Variants in GPC5 observed in about 807,000 individuals in gnomAD.
GPC5 encodes glypican 5, also known as glypican-5.
GPC5 carries 47 observed loss-of-function variants against 53.9 expected under a neutral mutation model. The ratio of observed to expected loss-of-function variants is 0.87; its 90% CI spans 0.69 to 1.11. GPC5 has a LOEUF of 1.11. Ranked by LOEUF, GPC5 falls within the 50% of genes most tolerant of loss-of-function variation. GPC5 has a pLI of 0.00. For missense variants in GPC5, 748 were observed against 713.1 expected, an observed-to-expected ratio of 1.05 and a Z score of -0.56; for synonymous variants, 286 against 263.3, an observed-to-expected ratio of 1.09 and a Z score of -0.84.
intron 7 of GPC5, among the ~76,000 whole-genome samples, chr13:92,842,014 G>A (rs555279782): frequency 1.3e-5 from 2 of 152,238 alleles, no homozygotes; most frequent in Admixed American, 6.5e-5. Flanking sequence ...TTCACAAGTG[G>A]TCTTGGTCTT....
intron 6 of GPC5, among the ~76,000 whole-genome samples, chr13:92,028,582 T>C (rs1208560811): frequency 2.6e-5 from 4 of 152,242 alleles, no homozygotes. Context: ...ATTTATCATG[T>C]GCTTTATTTG....
intron 7 of GPC5, among the ~76,000 whole-genome samples, chr13:92,349,616 T>C (rs571727394): frequency 6.6e-6 from 1 of 152,072 alleles, no homozygotes; most frequent in South Asian, 2.1e-4. Context: ...ATTATAAATA[T>C]ATAGCGACAA....
At chr13:91,602,167 G>C (rs2033201780) in intron 2 of GPC5, among the ~76,000 whole-genome samples, 1 of 152,188 alleles carries the variant, frequency 6.6e-6, no homozygotes, top group Non-Finnish European at 1.5e-5. Flanking sequence ...TGAAATCTTT[G>C]TGTGTCCAGC....
chr13:91,619,413 C>T (rs1217249186), intron 2 of GPC5, among the ~76,000 whole-genome samples: 1 of 152,048 alleles, frequency 6.6e-6, no homozygotes, highest in Admixed American at 6.6e-5. Context: ...CTGTTGATTT[C>T]GGCTGCTAAA....
chr13:91,572,438 C>G (rs947240484), intron 2 of GPC5, among the ~76,000 whole-genome samples: 2 of 151,994 alleles, frequency 1.3e-5, no homozygotes, highest in Admixed American at 1.3e-4. Flanking sequence ...GCTCTGCAGA[C>G]TATAAGAAGT....
intron 5 of GPC5, among the ~76,000 whole-genome samples, chr13:91,894,670 CA>C (rs937073639): frequency 2.0e-5 from 3 of 152,116 alleles, no homozygotes; most frequent in Admixed American, 6.5e-5. Context: ...AGTCATTCTG[CA>C]CCCACCATTT....
intron 7 of GPC5, among the ~76,000 whole-genome samples, chr13:92,225,467 G>A (rs2042478349): frequency 6.6e-6 from 1 of 152,204 alleles, no homozygotes; most frequent in Admixed American, 6.5e-5. Flanking sequence ...CTGACCTCAG[G>A]AGCTATACAA....
chr13:92,788,596 C>G (rs958574935), intron 7 of GPC5, among the ~76,000 whole-genome samples: 1 of 152,166 alleles, frequency 6.6e-6, no homozygotes, highest in African/African-American at 2.4e-5. Flanking sequence ...GAGCTCATGA[C>G]CTTCCCAGTT....
chr13:91,571,769 G>GTATATACACCCACATATACGTGTGTGTA (rs2031799596), intron 2 of GPC5, among the ~76,000 whole-genome samples: 1 of 114,302 alleles, frequency 8.7e-6, no homozygotes, highest in South Asian at 2.6e-4. Context: ...ATGTGTATGT[G>GTATATACACCCACATATACGTGTGTGTA]TATATACACA....
At chr13:92,121,763 T>A (rs2041651321) in intron 6 of GPC5, among the ~76,000 whole-genome samples, 1 of 152,208 alleles carries the variant, frequency 6.6e-6, no homozygotes, top group African/African-American at 2.4e-5. Context: ...GTGCCTGACC[T>A]CCTTTTCTCT....
chr13:92,399,573 C>T (rs1475405048), intron 7 of GPC5, among the ~76,000 whole-genome samples: 1 of 152,070 alleles, frequency 6.6e-6, no homozygotes, highest in Non-Finnish European at 1.5e-5. Context: ...GACGCAGAGG[C>T]CTGTTGTTCC....
intron 7 of GPC5, among the ~76,000 whole-genome samples, chr13:92,616,702 G>T (rs1884703759): frequency 6.6e-6 from 1 of 152,154 alleles, no homozygotes; most frequent in Non-Finnish European, 1.5e-5. Context: ...CAACTTTAAA[G>T]ATGGGCATTT....
At chr13:92,072,278 A>T (rs984726430) in intron 6 of GPC5, among the ~76,000 whole-genome samples, 19 of 150,700 alleles carry the variant, frequency 1.3e-4, no homozygotes, top group African/African-American at 4.1e-4. Flanking sequence ...TATTATTATT[A>T]TTTTTTGAGA....
intron 7 of GPC5, among the ~76,000 whole-genome samples, chr13:92,157,449 A>G (rs2041953073): frequency 6.6e-6 from 1 of 152,192 alleles, no homozygotes; most frequent in Admixed American, 6.5e-5. Context: ...CTTCCCTGAC[A>G]TAGAGACTGG....
intron 7 of GPC5, among the ~76,000 whole-genome samples, chr13:92,434,307 T>C (rs1877214814): frequency 6.6e-6 from 1 of 152,112 alleles, no homozygotes; most frequent in Admixed American, 6.5e-5. Flanking sequence ...TCTTGAGTCA[T>C]TCAAGAAAAA....
intron 7 of GPC5, among the ~76,000 whole-genome samples, chr13:92,762,299 T>A (rs1233396876): frequency 4.0e-5 from 6 of 151,888 alleles, no homozygotes; most frequent in Non-Finnish European, 8.8e-5. Context: ...GGGCCTAGAG[T>A]TTTTTTATGT....
At chr13:92,131,742 T>A (rs931514843) in intron 6 of GPC5, among the ~76,000 whole-genome samples, 1 of 152,110 alleles carries the variant, frequency 6.6e-6, no homozygotes, top group South Asian at 2.1e-4. Flanking sequence ...ATTTCTAAGA[T>A]GATTTTTTTT....
chr13:92,337,284 G>T (rs1319472330), intron 7 of GPC5, among the ~76,000 whole-genome samples: 2 of 151,024 alleles, frequency 1.3e-5, no homozygotes, highest in Non-Finnish European at 3.0e-5. Flanking sequence ...TATGATAAAA[G>T]AAATCAAAGA....
intron 7 of GPC5, among the ~76,000 whole-genome samples, chr13:92,684,926 G>T (rs919563104): frequency 6.6e-6 from 1 of 151,982 alleles, no homozygotes; most frequent in South Asian, 2.1e-4. Flanking sequence ...TTGGATTTTG[G>T]CCATTATAAT....
Sources: gnomAD v4.1 joint callset for allele counts (sites outside exome capture counted in the v4.1 genomes callset) on GRCh38, gnomAD v4.1.1 for gene constraint, MANE v1.5 for transcripts, NCBI Gene and HGNC (gene_info 2026-07-23, HGNC 2026-07-21) for gene names.